The following CAMTA1 variants were observed in gnomAD, a reference collection of about 807,000 sequenced individuals.
The protein encoded by CAMTA1 is calmodulin-binding transcription activator 1.
In CAMTA1, 27 loss-of-function variants were observed where a neutral mutation model predicts 170.9. The ratio of observed to expected loss-of-function variants is 0.16; its 90% CI spans 0.12 to 0.22. The LOEUF (loss-of-function observed/expected upper bound fraction) is 0.22. Ranked by LOEUF, CAMTA1 falls within the 10% of genes least tolerant of loss-of-function variation. The pLI, the probability that CAMTA1 is intolerant of heterozygous loss-of-function variation, is 1.00. For synonymous variants in CAMTA1, 833 were observed against 891.5 expected (o/e 0.93, Z 1.17); for missense variants, 1,619 against 2,217.2 (o/e 0.73, Z 5.42).
chr1:7,299,819 A>AG lies in CAMTA1; in HGVS notation c.438+50193_438+50194insG, dbSNP rs1264009089. The stretch of plus-strand genomic sequence containing the variant: ...GCTTTGAAATGTAAGTTGACTTCTG[A>AG]TCAGGGCAGATCTCAGTTTTATAGG... On this transcript the variant is annotated intron_variant, in intron 5 of 22. Coordinates refer to ENST00000303635, the MANE Select transcript of CAMTA1 (RefSeq NM_015215.4). The surrounding 1 kb of genome is among the most constrained non-coding windows in gnomAD (Gnocchi z 4.7). Among the ~76,000 whole-genome samples, 1 of 152,176 alleles carries AG rather than the reference A, an allele frequency of 6.6e-6. No homozygotes were observed. The highest frequency in any genetic ancestry group is 1.5e-5 in the Non-Finnish European group (1 of 68,036).
chr1:7,691,599 A>C (rs973208093), intron 11 of CAMTA1, among the ~76,000 whole-genome samples: 2 of 152,088 alleles, frequency 1.3e-5, no homozygotes, highest in Non-Finnish European at 2.9e-5. Flanking sequence ...TTGTGGGTGG[A>C]TTCACTATGG....
chr1:7,593,046 T>G (rs2095367113), intron 6 of CAMTA1, among the ~76,000 whole-genome samples: 1 of 152,230 alleles, frequency 6.6e-6, no homozygotes, highest in Non-Finnish European at 1.5e-5. Flanking sequence ...AAAGCCATTA[T>G]GCCATCCTGC....
At chr1:7,336,040 A>G (rs1316756245) in intron 5 of CAMTA1, among the ~76,000 whole-genome samples, 1 of 152,154 alleles carries the variant, frequency 6.6e-6, no homozygotes, top group Non-Finnish European at 1.5e-5. Context: ...TTTATTTTTC[A>G]TTCATTATCC....
At chr1:7,602,584 T>A in intron 6 of CAMTA1, among the ~76,000 whole-genome samples, 1 of 152,222 alleles carries the variant, frequency 6.6e-6, no homozygotes, top group Non-Finnish European at 1.5e-5. Flanking sequence ...CTATCAATTT[T>A]GTTGATCTTT....
At chr1:7,085,339 C>G (rs971101848) in intron 3 of CAMTA1, among the ~76,000 whole-genome samples, 2 of 152,202 alleles carry the variant, frequency 1.3e-5, no homozygotes, top group East Asian at 1.9e-4. Flanking sequence ...GGCATGGGCT[C>G]TTGAGGTGAC....
intron 3 of CAMTA1, among the ~76,000 whole-genome samples, chr1:6,940,723 T>C (rs1360435911): frequency 6.6e-6 from 1 of 151,958 alleles, no homozygotes; most frequent in Admixed American, 6.5e-5. Flanking sequence ...AGGGCCTCAG[T>C]GTGCACTGGG....
chr1:7,452,958 C>T (rs75838635), intron 5 of CAMTA1, among the ~76,000 whole-genome samples: 15,555 of 152,196 alleles, frequency 0.1, 899 homozygotes, highest in Middle Eastern at 0.14. Context: ...GAAGTTCAAA[C>T]GAGGTTCTTG....
chr1:7,331,860 T>G (rs2083056311), intron 5 of CAMTA1, among the ~76,000 whole-genome samples: 1 of 152,206 alleles, frequency 6.6e-6, no homozygotes, highest in African/African-American at 2.4e-5. Context: ...GTCCTTCTTA[T>G]TCTGCTTTGG....
rs6696544 is a variant in CAMTA1 at position 7,561,529 on chromosome 1, C to A, written c.511-78871C>A. On this transcript the variant is annotated intron_variant, in intron 6 of 22. Transcript: ENST00000303635. This position sits in a 1 kb window ranked among gnomAD's most constrained non-coding sequence, Gnocchi z 5.3. ...GAGCCCAAGCAGAGGTGAGAGAAAG[C>A]CTCTTGCCTGTAAACTCGTTGCAGG... is the stretch of plus-strand genomic sequence containing the variant. 0.27 allele frequency among the ~76,000 whole-genome samples: 40,474 copies of A among 151,116 alleles called. 6,542 individuals carry two copies. The highest frequency in any genetic ancestry group is 0.51 in the East Asian group (2,554 of 5,012).
At chr1:7,155,388 G>GC (rs1024099776) in intron 4 of CAMTA1, among the ~76,000 whole-genome samples, 7 of 59,250 alleles carry the variant, frequency 1.2e-4, no homozygotes, top group Non-Finnish European at 1.8e-4. Context: ...GGGCACCGTT[G>GC]GGGGGGGGAT....
rs1438984863 is a variant in CAMTA1, at chr1:7,767,728, A to C, written c.*1237A>C. The C allele has an allele frequency of 6.5e-6, 1 of 152,716 alleles. No individual in the cohort carries two copies. Among genetic ancestry groups the C allele is most frequent in the African/African-American group, 2.4e-5 (1 of 41,444 alleles). The allele number at this position is 152,716 out of a possible 1,614,324, so 9.5% of individuals were successfully genotyped here. A position where few individuals can be genotyped will look rare whatever the true frequency, so the allele number is the denominator to read the frequency against. ...CAAGAAAAAAGAAATGAACAAAAGC[A>C]AAGCATTAGTGGCTATGGTCTGTAA... On this transcript the variant is annotated 3_prime_UTR_variant, in exon 23 of 23. Coordinates refer to ENST00000303635, the MANE Select transcript of CAMTA1 (RefSeq NM_015215.4).
chr1:7,078,637 G>GAATA (rs929207772), intron 3 of CAMTA1, among the ~76,000 whole-genome samples: 5 of 152,184 alleles, frequency 3.3e-5, no homozygotes, highest in Non-Finnish European at 7.4e-5. Flanking sequence ...GGCTGTGATG[G>GAATA]AATAACTAGG....
intron 11 of CAMTA1, among the ~76,000 whole-genome samples, chr1:7,727,174 G>C (rs1452125761): frequency 1.4e-5 from 2 of 147,956 alleles, no homozygotes; most frequent in Non-Finnish European, 3.0e-5. Context: ...CTAGGGTGGA[G>C]TGCAGTGGCG....
At position 6,956,607 on chromosome 1, in the gene CAMTA1, C is replaced by G. The variant is rs556238458; in HGVS notation, c.234+131397C>G. Among the ~76,000 whole-genome samples the G allele has an allele frequency of 2.0e-5, 3 of 152,238 alleles. No homozygotes were observed. The East Asian group carries it at 5.8e-4, about 29-fold the overall frequency. On this transcript the variant is annotated intron_variant, in intron 3 of 22. Coordinates refer to ENST00000303635, the MANE Select transcript of CAMTA1 (RefSeq NM_015215.4). ...TATAAATTCTCTTAAATGAACTTGT[C>G]GGTGGCAGCAGTACCTGTGTGGCGG...
intron 4 of CAMTA1, among the ~76,000 whole-genome samples, chr1:7,192,323 A>G (rs1211799208): frequency 6.6e-6 from 1 of 152,218 alleles, no homozygotes; most frequent in Non-Finnish European, 1.5e-5. Flanking sequence ...CCTGGCTGAA[A>G]GCCATGACGC....
chr1:6,927,165 C>T (rs576946023), intron 3 of CAMTA1, among the ~76,000 whole-genome samples: 9 of 151,892 alleles, frequency 5.9e-5, no homozygotes, highest in African/African-American at 2.2e-4. Flanking sequence ...GCTAGGACCA[C>T]AGGCATGCAC....
chr1:7,669,781 C>T (rs1260680859), intron 9 of CAMTA1, among the ~76,000 whole-genome samples: 6 of 152,180 alleles, frequency 3.9e-5, no homozygotes, highest in Non-Finnish European at 5.9e-5. Flanking sequence ...TCCGGGAGGC[C>T]GGCACCCCTA....
intron 3 of CAMTA1, among the ~76,000 whole-genome samples, chr1:6,928,218 T>A (rs112003525): frequency 1.3e-5 from 2 of 152,232 alleles, no homozygotes; most frequent in African/African-American, 4.8e-5. Context: ...GCCACGCTGC[T>A]GATGCTAACA....
intron 4 of CAMTA1, among the ~76,000 whole-genome samples, chr1:7,207,501 A>G (rs188082741): frequency 1.1e-4 from 17 of 152,304 alleles, no homozygotes; most frequent in African/African-American, 3.8e-4. Flanking sequence ...CCACCTAAAA[A>G]TATACACTCT....
Sources: gnomAD v4.1 joint callset for allele counts (sites outside exome capture counted in the v4.1 genomes callset) on GRCh38, gnomAD v4.1.1 for gene constraint, Gnocchi (gnomAD v3.1) non-coding constraint, MANE v1.5 for transcripts, NCBI Gene and HGNC (gene_info 2026-07-23, HGNC 2026-07-21) for gene names.